The following JHY variants were observed in gnomAD, a reference collection of about 807,000 sequenced individuals.
JHY encodes the protein junctional cadherin complex regulator.
In JHY, 69 loss-of-function variants were observed where a neutral mutation model predicts 78.0. That is an observed-to-expected ratio of 0.88 (90% CI 0.73 to 1.08). The LOEUF (loss-of-function observed/expected upper bound fraction) is 1.08. Among genes scored for constraint, JHY ranks in the 50% least tolerant of loss-of-function variants. The pLI is 0.00. For missense variants in JHY, 944 were observed against 927.8 expected (o/e 1.02, Z -0.23); for synonymous variants, 368 against 342.6 (o/e 1.07, Z -0.82).
chr11:122,896,730 C>G (rs1862747709), intron 2 of JHY, among the ~76,000 whole-genome samples: 1 of 152,200 alleles, frequency 6.6e-6, no homozygotes, highest in Non-Finnish European at 1.5e-5. Context: ...GTCACGGGGA[C>G]TGAATGTGAC....
chr11:122,904,106 G>A lies in JHY; in HGVS notation c.526G>A (p.Gly176Arg). The change falls in exon 3 of 9, where the codon GGA (glycine) becomes AGA (arginine). Residue 176 changes from glycine to arginine, a missense_variant. By Grantham distance (125) the Gly-to-Arg change is moderately radical. Transcript: ENST00000227349. ...GGAGACGTCAATGGAACTCTCCGGG[G>A]GAAAAGGCGAGCAGAAAGAGAGTCC... Reference protein sequence around the residue: ...SQETSMELSGGKGEQKESPQS... With the variant: ...SQETSMELSGRKGEQKESPQS... 1 of 1,614,144 alleles carries A rather than the reference G, an allele frequency of 6.2e-7. No homozygotes were observed. The highest frequency in any genetic ancestry group is 8.5e-7 in the Non-Finnish European group (1 of 1,180,038).
intron 4 of JHY, among the ~76,000 whole-genome samples, chr11:122,932,347 T>A (rs187686380): frequency 1.7e-4 from 26 of 152,328 alleles, no homozygotes; most frequent in Non-Finnish European, 2.9e-4. Flanking sequence ...AATTGAAGTT[T>A]CATAAAATGA....
intron 5 of JHY, among the ~76,000 whole-genome samples, chr11:122,936,349 T>A (rs1456602215): frequency 6.6e-6 from 1 of 151,936 alleles, no homozygotes; most frequent in African/African-American, 2.4e-5. Flanking sequence ...TCACACTTGG[T>A]GATATGGAAT....
At chr11:122,903,252 G>A (rs1430177303) in intron 2 of JHY, among the ~76,000 whole-genome samples, 1 of 152,232 alleles carries the variant, frequency 6.6e-6, no homozygotes, top group Non-Finnish European at 1.5e-5. Flanking sequence ...CTGAAATACT[G>A]AGTCATTGTT....
chr11:122,916,982 C>T (rs986863817), intron 3 of JHY, among the ~76,000 whole-genome samples: 1 of 152,006 alleles, frequency 6.6e-6, no homozygotes, highest in Non-Finnish European at 1.5e-5. Context: ...GTTCCCCCCA[C>T]CCCCAACATG....
At chr11:122,920,516 C>T (rs138771606) in intron 3 of JHY, among the ~76,000 whole-genome samples, 42 of 152,286 alleles carry the variant, frequency 2.8e-4, no homozygotes, top group Admixed American at 1.3e-3. Flanking sequence ...TGTGTCTTTA[C>T]GCGGATTCAC....
In JHY at chr11:122,904,164, T is replaced by G; in HGVS notation, c.584T>G (p.Phe195Cys). Reference protein sequence around the residue: ...QSAASLLGSEFLSPNYEHGAR... With the variant: ...QSAASLLGSECLSPNYEHGAR... ...GCAGCTTCTTTACTTGGTAGTGAAT[T>G]TTTAAGCCCAAACTATGAGCATGGT... Residue 195 changes from phenylalanine to cysteine, a missense_variant, in exon 3 of 9, where the codon TTT (phenylalanine) becomes TGT (cysteine). Phe to Cys is a radical substitution (Grantham distance 205, BLOSUM62 -2). Coordinates refer to ENST00000227349, the MANE Select transcript of JHY (RefSeq NM_024806.4). The G allele has an allele frequency of 6.2e-7, 1 of 1,614,144 alleles. No homozygotes were observed. The highest frequency in any genetic ancestry group is 8.5e-7 in the Non-Finnish European group (1 of 1,180,020).
chr11:122,909,815 T>TAGA (rs1863075413), intron 3 of JHY, among the ~76,000 whole-genome samples: 1 of 151,992 alleles, frequency 6.6e-6, no homozygotes, highest in Admixed American at 6.6e-5. Flanking sequence ...AATAAATGTA[T>TAGA]AGAGCGTGCT....
intron 2 of JHY, among the ~76,000 whole-genome samples, chr11:122,897,848 A>T (rs1448437925): frequency 6.6e-6 from 1 of 152,228 alleles, no homozygotes; most frequent in Non-Finnish European, 1.5e-5. Context: ...GCATAACGGC[A>T]GAGATGGAAA....
rs1863710647 is a variant in JHY at position 122,934,626 on chromosome 11, C to T, written c.1185C>T (p.Pro395=). ...GTCAGGGGAACCAGAATAACCCTCC[C>T]AGGCAGCAACAAAACCAAAATAAGC... ...TASQGNQNNP[P]RQQQNQNKPL... The change falls in exon 5 of 9, where the codon CCC becomes CCT. Residue 395 remains proline, a synonymous_variant. Transcript: ENST00000227349. The T allele has an allele frequency of 6.2e-7, 1 of 1,613,994 alleles. No individual in the cohort carries two copies. The highest frequency in any genetic ancestry group is 1.3e-5 in the African/African-American group (1 of 74,922).
chr11:122,922,303 T>C (rs1484408975), intron 3 of JHY, among the ~76,000 whole-genome samples: 1 of 152,142 alleles, frequency 6.6e-6, no homozygotes, highest in Non-Finnish European at 1.5e-5. Context: ...ACAGTAATTG[T>C]GATAGTTACT....
intron 1 of JHY, among the ~76,000 whole-genome samples, chr11:122,884,135 T>A (rs987990674): frequency 6.6e-6 from 1 of 152,172 alleles, no homozygotes; most frequent in African/African-American, 2.4e-5. Flanking sequence ...GTCTGTAATA[T>A]TAGAGAATAA....
At chr11:122,910,780 T>C (rs1439322446) in intron 3 of JHY, among the ~76,000 whole-genome samples, 1 of 152,256 alleles carries the variant, frequency 6.6e-6, no homozygotes, top group Non-Finnish European at 1.5e-5. Flanking sequence ...AATTGCATTT[T>C]ATGCTTGTAA....
chr11:122,945,598 T>C (rs1195660141), intron 5 of JHY, among the ~76,000 whole-genome samples: 1 of 152,226 alleles, frequency 6.6e-6, no homozygotes, highest in Non-Finnish European at 1.5e-5. Context: ...AGCCACCTTT[T>C]CCGTGGAAAC....
Position 122,904,380 on chromosome 11 carries a change from C to A in JHY, c.800C>A (p.Thr267Asn). The change falls in exon 3 of 9, where the codon ACC becomes AAC. Residue 267 changes from threonine to asparagine, a missense_variant. By Grantham distance (65) the Thr-to-Asn change is moderately conservative (BLOSUM62 0). Transcript: ENST00000227349. ...AACAAGCTCACTTTGGGATTACCCA[C>A]CCCGAAAACGGACTCTTATCTTCAA... ...EKNKLTLGLP[T>N]PKTDSYLQLH... 1 of 1,614,124 alleles carries A rather than the reference C, an allele frequency of 6.2e-7. No homozygotes were observed. Among genetic ancestry groups the A allele is most frequent in the Non-Finnish European group, 8.5e-7 (1 of 1,180,016 alleles).
chr11:122,936,231 A>G (rs986777716), intron 5 of JHY, among the ~76,000 whole-genome samples: 9 of 152,232 alleles, frequency 5.9e-5, no homozygotes, highest in South Asian at 2.1e-4. Context: ...GCTAAATGCT[A>G]TACAAGGTAC....
intron 3 of JHY, among the ~76,000 whole-genome samples, chr11:122,921,259 G>A (rs565467158): frequency 6.6e-6 from 1 of 152,314 alleles, no homozygotes; most frequent in East Asian, 1.9e-4. Context: ...TGCTATGTAA[G>A]AGATTCCATC....
intron 4 of JHY, among the ~76,000 whole-genome samples, chr11:122,927,492 GGGACACAGACACTT>G (rs1423096267): frequency 6.6e-6 from 1 of 152,152 alleles, no homozygotes; most frequent in African/African-American, 2.4e-5. Flanking sequence ...CCAGCACTCT[GGGACACAGACACTT>G]TAGGCTGCCT....
At chr11:122,945,671 A>G (rs776471299) in intron 5 of JHY, among the ~76,000 whole-genome samples, 13 of 152,230 alleles carry the variant, frequency 8.5e-5, no homozygotes, top group Non-Finnish European at 1.8e-4. Context: ...TCTGCCAGAT[A>G]CTACAGAAGT....
Sources: gnomAD v4.1 joint callset for allele counts (sites outside exome capture counted in the v4.1 genomes callset) on GRCh38, gnomAD v4.1.1 for gene constraint, MANE v1.5 for transcripts, NCBI Gene and HGNC (gene_info 2026-07-23, HGNC 2026-07-21) for gene names.